HPS4: variants seen among roughly 807,000 people sequenced by gnomAD.
HPS4 encodes HPS4 biogenesis of lysosomal organelles complex 3 subunit 2, also known as BLOC-3 complex member HPS4.
A neutral mutation model predicts 70.3 loss-of-function variants in HPS4; 44 were observed. The observed-to-expected ratio is 0.63, with a 90% CI of 0.49 to 0.80. The LOEUF is 0.80. HPS4 is among the 30% of genes least tolerant of loss of function. The pLI is 0.00. For missense variants in HPS4, 873 were observed against 884.4 expected, an observed-to-expected ratio of 0.99 and a Z score of 0.16; for synonymous variants, 377 against 355.9, an observed-to-expected ratio of 1.06 and a Z score of -0.67.
downstream of HPS4, among the ~76,000 whole-genome samples, chr22:26,448,101 C>A (rs1251573346): frequency 2.0e-5 from 3 of 152,200 alleles, no homozygotes; most frequent in South Asian, 2.1e-4. Context: ...CGCAGCACAG[C>A]GCATCTTCTG....
In HPS4 at chr22:26,483,679, T is replaced by C. The variant is rs866124482; in HGVS notation, c.-484A>G. 4 of 380,644 alleles carry C rather than the reference T, an allele frequency of 1.1e-5. No homozygotes were observed. The highest frequency in any genetic ancestry group is 1.4e-3 in the Middle Eastern group (2 of 1,450). 23.6% of individuals were successfully genotyped at this position (380,644 alleles called of 1,614,324 possible). A position where few individuals can be genotyped will look rare whatever the true frequency, so the allele number is the denominator to read the frequency against. On this transcript the variant is annotated 5_prime_UTR_variant, in exon 1 of 14. Transcript: ENST00000398145. ...TCCGAGCGCCGCCCACCCACCGGAG[T>C]AGCCAGGCATCCCAGTGCTCGGGGT...
chr22:26,449,909 G>A (rs536789516), downstream of HPS4, among the ~76,000 whole-genome samples: 8 of 152,308 alleles, frequency 5.3e-5, no homozygotes, highest in South Asian at 2.1e-4. Flanking sequence ...AATTCAGTAC[G>A]TTGACAGTCA....
At chr22:26,462,562 T>C (rs977903275) in intron 11 of HPS4, among the ~76,000 whole-genome samples, 1 of 152,268 alleles carries the variant, frequency 6.6e-6, no homozygotes, top group Non-Finnish European at 1.5e-5. Flanking sequence ...ATATAGTTGG[T>C]GCAGAATACA....
intron 12 of HPS4, among the ~76,000 whole-genome samples, chr22:26,458,194 A>G (rs2086535533): frequency 6.6e-6 from 1 of 152,234 alleles, no homozygotes; most frequent in South Asian, 2.1e-4. Context: ...AAACCCTATC[A>G]CAGATATGTG....
At chr22:26,462,282 G>A (rs2087455504) in intron 11 of HPS4, among the ~76,000 whole-genome samples, 1 of 152,180 alleles carries the variant, frequency 6.6e-6, no homozygotes, top group South Asian at 2.1e-4. Context: ...ACAAACCAGG[G>A]GATATGGCCA....
At chr22:26,443,933 C>T (rs940496608), downstream of HPS4, 1 of 152,254 alleles carries the variant, frequency 6.6e-6, no homozygotes, top group Admixed American at 6.5e-5. Flanking sequence ...AAAGCTGAAG[C>T]TGGTGTCCCC....
chr22:26,458,821 G>GGA (rs1555891963), intron 11 of HPS4, among the ~76,000 whole-genome samples: 20 of 125,970 alleles, frequency 1.6e-4, no homozygotes, highest in Non-Finnish European at 2.7e-4. Context: ...ACTCTGTCTC[G>GGA]AAAAAAAAAA....
chr22:26,469,077 A>G (rs147406663), intron 7 of HPS4, among the ~76,000 whole-genome samples: 111 of 152,228 alleles, frequency 7.3e-4, no homozygotes, highest in African/African-American at 2.6e-3. Flanking sequence ...CAATATATGC[A>G]TACATGTACC....
Position 26,464,044 on chromosome 22 carries a change from A to G in HPS4, c.1586T>C (p.Leu529Pro), listed in dbSNP as rs764305334. 3.7e-6 allele frequency: 6 copies of G among 1,614,256 alleles called. No homozygotes were observed. In the East Asian group the frequency reaches 8.9e-5, roughly 24 times the overall value. ...CCCCATGCAGGACTCTGCTGGTGTC[A>G]GCCTGGAGCTGATTCCATCTGCAGA... ...GPSADGISSR[L>P]TPAESCMGLV... is the part of the protein sequence containing the mutation. The change falls in exon 11 of 14, where the codon CTG becomes CCG. Residue 529 changes from leucine to proline, a missense_variant. Leu to Pro is a moderately conservative substitution (Grantham distance 98). Transcript: ENST00000398145.
In HPS4 at chr22:26,481,888, T is replaced by A; in HGVS notation, c.-126A>T. 3.2e-6 allele frequency: 3 copies of A among 933,152 alleles called. No homozygotes were observed. Among genetic ancestry groups the A allele is most frequent in the Non-Finnish European group, 5.2e-6 (3 of 571,442 alleles). The allele number at this position is 933,152 out of a possible 1,614,324, so 57.8% of individuals were successfully genotyped here. ...AATCTGGACGTGGTAGGTTTCAGTG[T>A]TTTCAGTCACAACTGCCACTTGGTT... On this transcript the variant is annotated 5_prime_UTR_variant, in exon 2 of 14. Transcript: ENST00000398145.
chr22:26,473,823 G>A (rs529454091), intron 4 of HPS4, among the ~76,000 whole-genome samples: 1 of 152,272 alleles, frequency 6.6e-6, no homozygotes, highest in African/African-American at 2.4e-5. Context: ...ATTACTTGAT[G>A]TAGTAATTCT....
Position 26,458,434 on chromosome 22 carries a change from C to T in HPS4, c.1846+11G>A. 6 of 1,614,126 alleles carry T rather than the reference C, an allele frequency of 3.7e-6. No individual in the cohort carries two copies. The highest frequency in any genetic ancestry group is 5.1e-6 in the Non-Finnish European group (6 of 1,180,018). On this transcript the variant is annotated intron_variant, in intron 12 of 13. Coordinates refer to ENST00000398145, the MANE Select transcript of HPS4 (RefSeq NM_022081.6). ...ATCCCCGTCGCCCCAGGCCCCTTGG[C>T]TGGTTCTTACCCATCAGCAAGCTCT...
chr22:26,469,889 G>C (rs1296761309), intron 7 of HPS4, among the ~76,000 whole-genome samples: 1 of 152,100 alleles, frequency 6.6e-6, no homozygotes, highest in Non-Finnish European at 1.5e-5. Context: ...CGGTTCTTCC[G>C]CATCTGTCAT....
Position 26,464,551 on chromosome 22 carries a change from A to C in HPS4, c.1079T>G (p.Leu360Arg). 6.2e-7 allele frequency: 1 copy of C among 1,614,206 alleles called. No homozygotes were observed. The highest frequency in any genetic ancestry group is 8.5e-7 in the Non-Finnish European group (1 of 1,180,040). ...LGLSSSLGKELVFLQEELDLS... is the reference protein window; with the variant it reads ...LGLSSSLGKERVFLQEELDLS... Reference sequence around the variant, plus strand: ...GTCGAGTTCTTCTTGGAGAAAGACTAGTTCCTTCCCCAGGGAGGAGCTGAG... The same window carrying C: ...GTCGAGTTCTTCTTGGAGAAAGACTCGTTCCTTCCCCAGGGAGGAGCTGAG... Residue 360 changes from leucine (L) to arginine (R), a missense_variant, in exon 11 of 14, where the codon CTA becomes CGA. Leu to Arg is a moderately radical substitution (Grantham distance 102). Coordinates refer to ENST00000398145, the MANE Select transcript of HPS4 (RefSeq NM_022081.6).
At chr22:26,481,574 G>A (rs906223843) in intron 2 of HPS4, 148 bp downstream of exon 2, 4 of 754,900 alleles carry the variant, frequency 5.3e-6, no homozygotes, top group African/African-American at 1.7e-5. Flanking sequence ...GATGGCTCAC[G>A]TGCTTGATTC....
intron 11 of HPS4, among the ~76,000 whole-genome samples, chr22:26,460,191 G>C (rs1460789694): frequency 1.3e-5 from 2 of 152,206 alleles, no homozygotes; most frequent in Admixed American, 1.3e-4. Context: ...CTAAATGAAT[G>C]AATAAATGAA....
chr22:26,462,625 G>A (rs1375891424), intron 11 of HPS4, among the ~76,000 whole-genome samples: 2 of 152,226 alleles, frequency 1.3e-5, no homozygotes, highest in Non-Finnish European at 2.9e-5. Flanking sequence ...AAGGTAAAAA[G>A]AGAGGTATTA....
In HPS4 at chr22:26,468,578, C is replaced by T. The variant is rs760867986; in HGVS notation, c.642G>A (p.Leu214=). ...GCTCCTGAGGTGCTGTTCGGTGAAG[C>T]AGGACCTTGGCGGTGAGGGAGGGCG... ...QLPPSLTAKV[L]LHRTAPQEQR... is the part of the protein sequence containing the mutation. The change falls in exon 8 of 14, where the codon CTG becomes CTA. Residue 214 remains leucine (L), a synonymous_variant. Coordinates refer to ENST00000398145, the MANE Select transcript of HPS4 (RefSeq NM_022081.6). 1 of 1,613,936 alleles carries T rather than the reference C, an allele frequency of 6.2e-7. No individual in the cohort carries two copies. Among genetic ancestry groups the T allele is most frequent in the Non-Finnish European group, 8.5e-7 (1 of 1,179,980 alleles).
chr22:26,461,892 C>T (rs909643530), intron 11 of HPS4, among the ~76,000 whole-genome samples: 1 of 151,924 alleles, frequency 6.6e-6, no homozygotes, highest in Admixed American at 6.6e-5. Flanking sequence ...TTTGGGAGGC[C>T]GAGGCGGGCA....
Sources: allele counts gnomAD v4.1 joint callset (sites outside exome capture counted in the v4.1 genomes callset), GRCh38; gene constraint gnomAD v4.1.1; transcripts MANE v1.5; gene names NCBI Gene and HGNC (gene_info 2026-07-23, HGNC 2026-07-21).